Variants in NCK1 observed in about 807,000 individuals in gnomAD.
The protein encoded by NCK1 is NCK adaptor protein 1.
NCK1 carries 19 observed loss-of-function variants against 36.6 expected under a neutral mutation model. The observed-to-expected ratio is 0.52, with a 90% CI of 0.36 to 0.76. NCK1 has a LOEUF of 0.76. NCK1 is among the 30% of genes least tolerant of loss of function. The pLI is 0.00. For missense variants in NCK1, 358 were observed against 445.6 expected (o/e 0.80, Z 1.77); for synonymous variants, 165 against 156.0 (o/e 1.06, Z -0.43).
chr3:136,942,308 A>G (rs1940699318), intron 2 of NCK1, among the ~76,000 whole-genome samples: 1 of 152,142 alleles, frequency 6.6e-6, no homozygotes, highest in African/African-American at 2.4e-5. Context: ...TCCCCTCCCC[A>G]GGGCTTATTA....
intron 1 of NCK1, among the ~76,000 whole-genome samples, chr3:136,878,783 C>T (rs547170968): frequency 1.3e-5 from 2 of 152,130 alleles, no homozygotes; most frequent in African/African-American, 2.4e-5. Flanking sequence ...TCTTGAGTAC[C>T]CCAGCAAGAA....
At chr3:136,886,837 CTATCTTTCTTTTTCTTTT>C (rs1340028441) in intron 1 of NCK1, among the ~76,000 whole-genome samples, 1 of 102,152 alleles carries the variant, frequency 9.8e-6, no homozygotes, top group African/African-American at 3.7e-5. Flanking sequence ...TTTTTTTTTC[CTATCTTTCTTTTTCTTTT>C]TTTCTGAGAC....
intron 1 of NCK1, among the ~76,000 whole-genome samples, chr3:136,892,557 T>C (rs1033034848): frequency 1.3e-5 from 2 of 152,224 alleles, no homozygotes; most frequent in Non-Finnish European, 2.9e-5. Context: ...GGAGCTGGAA[T>C]AGACAAAGAA....
At chr3:136,895,921 T>C (rs1203548607) in intron 1 of NCK1, among the ~76,000 whole-genome samples, 3 of 152,216 alleles carry the variant, frequency 2.0e-5, no homozygotes, top group African/African-American at 7.2e-5. Flanking sequence ...TCACATCTAT[T>C]TTAATTATGA....
intron 1 of NCK1, among the ~76,000 whole-genome samples, chr3:136,886,886 C>G (rs1471757468): frequency 6.7e-6 from 1 of 150,284 alleles, no homozygotes. Flanking sequence ...TCTTATTGCC[C>G]AGGCTGGAAT....
At position 136,924,894 on chromosome 3, in the gene NCK1, G is replaced by A. The variant is rs569637992; in HGVS notation, c.-18-3090G>A. ...CTCCGGCATATATGGGTTAAAAAAG[G>A]GAAAAGGTCAGGAGCCCTTGATTTG... On this transcript the variant is annotated intron_variant, in intron 1 of 3. Coordinates refer to ENST00000481752, the MANE Select transcript of NCK1 (RefSeq NM_001291999.2). Among the ~76,000 whole-genome samples the A allele has an allele frequency of 1.6e-4, 25 of 152,220 alleles. No individual in the cohort carries two copies. The South Asian group carries it at 5.0e-3, about 30-fold the overall frequency.
intron 1 of NCK1, among the ~76,000 whole-genome samples, chr3:136,894,756 T>C (rs148583848): frequency 6.6e-6 from 1 of 152,316 alleles, no homozygotes; most frequent in Non-Finnish European, 1.5e-5. Flanking sequence ...CCTGCTCAGT[T>C]CTGTGTCTGA....
intron 1 of NCK1, among the ~76,000 whole-genome samples, chr3:136,912,741 A>G (rs1415041429): frequency 6.6e-6 from 1 of 151,706 alleles, no homozygotes. Flanking sequence ...CTGCAGCCTC[A>G]AACTCCTGGG....
In NCK1 at chr3:136,916,828, C is replaced by T. The variant is rs185020782; in HGVS notation, c.-18-11156C>T. Among the ~76,000 whole-genome samples, 5 of 152,024 alleles carry T rather than the reference C, an allele frequency of 3.3e-5. No homozygotes were observed. In the South Asian group the frequency reaches 6.2e-4, roughly 19 times the overall value. On this transcript the variant is annotated intron_variant, in intron 1 of 3. Coordinates refer to ENST00000481752, the MANE Select transcript of NCK1 (RefSeq NM_001291999.2). ...TTTTTTATATTATCCAGTTCAATTC[C>T]CTTATTTTGTAGATAAGGAAATGGA...
intron 2 of NCK1, among the ~76,000 whole-genome samples, chr3:136,940,796 C>T (rs1042982337): frequency 6.6e-6 from 1 of 152,084 alleles, no homozygotes; most frequent in South Asian, 2.1e-4. Flanking sequence ...CCACCCGCCT[C>T]GGCTTCCTAA....
intron 1 of NCK1, among the ~76,000 whole-genome samples, chr3:136,881,360 C>T (rs1938929123): frequency 6.6e-6 from 1 of 152,126 alleles, no homozygotes; most frequent in African/African-American, 2.4e-5. Context: ...GCTGGGACTA[C>T]AGGTGCACGC....
chr3:136,931,977 G>A (rs539606885), intron 2 of NCK1, among the ~76,000 whole-genome samples: 65 of 152,178 alleles, frequency 4.3e-4, no homozygotes, highest in Middle Eastern at 3.4e-3. Context: ...AACATTAGCT[G>A]GGCGTGGTGG....
chr3:136,914,965 T>C (rs2108115363), intron 1 of NCK1, among the ~76,000 whole-genome samples: 1 of 152,284 alleles, frequency 6.6e-6, no homozygotes. Context: ...TTCTCTCTCT[T>C]GCTTCATCTC....
chr3:136,930,581 T>G, intron 2 of NCK1: 1 of 1,487,878 alleles, frequency 6.7e-7, no homozygotes, highest in Non-Finnish European at 8.9e-7. Context: ...TAAACGTCTT[T>G]AAAGATTTTT....
chr3:136,874,304 T>A (rs1466979247), intron 1 of NCK1, among the ~76,000 whole-genome samples: 3 of 152,182 alleles, frequency 2.0e-5, no homozygotes, highest in Non-Finnish European at 2.9e-5. Context: ...GCCTCCCAAG[T>A]AGGTGAGATT....
At chr3:136,893,196 A>ACACACACACACACACAC (rs1560038452) in intron 1 of NCK1, among the ~76,000 whole-genome samples, 7 of 19,004 alleles carry the variant, frequency 3.7e-4, no homozygotes, top group Admixed American at 7.4e-4. Context: ...ATATATACAC[A>ACACACACACACACACAC]CATGTGCAAG....
chr3:136,882,493 A>G (rs193293856), intron 1 of NCK1, among the ~76,000 whole-genome samples: 2 of 152,070 alleles, frequency 1.3e-5, no homozygotes, highest in Admixed American at 6.6e-5. Flanking sequence ...ATACAACAAT[A>G]CCTCTTACTT....
intron 1 of NCK1, among the ~76,000 whole-genome samples, chr3:136,883,573 G>A (rs1939000476): frequency 6.6e-6 from 1 of 151,930 alleles, no homozygotes; most frequent in African/African-American, 2.4e-5. Flanking sequence ...TATTTTATTT[G>A]AAAAAATTTA....
At chr3:136,882,659 T>G (rs559565580) in intron 1 of NCK1, among the ~76,000 whole-genome samples, 1 of 151,846 alleles carries the variant, frequency 6.6e-6, no homozygotes, top group African/African-American at 2.4e-5. Context: ...ACCACCATAA[T>G]CAGCTTTGGC....
Sources: gnomAD v4.1 joint callset for allele counts (sites outside exome capture counted in the v4.1 genomes callset) on GRCh38, gnomAD v4.1.1 for gene constraint, MANE v1.5 for transcripts, NCBI Gene and HGNC (gene_info 2026-07-23, HGNC 2026-07-21) for gene names.